KIAA1143: variants seen among roughly 807,000 people sequenced by gnomAD.
KIAA1143 encodes the protein uncharacterized protein KIAA1143.
KIAA1143 carries 8 observed loss-of-function variants against 17.0 expected under a neutral mutation model. The ratio of observed to expected loss-of-function variants is 0.47; its 90% CI spans 0.28 to 0.85. The LOEUF is 0.85. KIAA1143 is among the 40% of genes least tolerant of loss of function. KIAA1143 has a pLI of 0.12. For synonymous variants in KIAA1143, 64 were observed against 67.8 expected, an observed-to-expected ratio of 0.94 and a Z score of 0.27; for missense variants, 162 against 183.3, an observed-to-expected ratio of 0.88 and a Z score of 0.67.
rs367765471 is a variant in KIAA1143, at chr3:44,754,219, C to A, written c.253+5G>T. 38 of 1,612,394 alleles carry A rather than the reference C, an allele frequency of 2.4e-5. No homozygotes were observed. The highest frequency in any genetic ancestry group is 3.2e-5 in the Non-Finnish European group (38 of 1,179,832). On this transcript the variant is annotated splice_donor_5th_base_variant and intron_variant, in intron 2 of 2. Transcript: ENST00000296121. ...TTAGAAAAACCAGATTACTTTTAGA[C>A]CTACCTGCTTTGGCAGCCTTTATTT...
chr3:44,755,949 C>G (rs2125880046), intron 1 of KIAA1143, among the ~76,000 whole-genome samples: 1 of 152,346 alleles, frequency 6.6e-6, no homozygotes, highest in East Asian at 1.9e-4. Context: ...GTTCTCAAGT[C>G]TGCTCTATCA....
intron 1 of KIAA1143, among the ~76,000 whole-genome samples, chr3:44,757,782 A>G (rs1451048441): frequency 6.6e-6 from 1 of 152,218 alleles, no homozygotes; most frequent in Non-Finnish European, 1.5e-5. Flanking sequence ...GTTAAAGAAC[A>G]TGGCATTTTG....
chr3:44,749,994 G>T lies in KIAA1143; in HGVS notation c.*3347C>A, dbSNP rs551470097. On this transcript the variant is annotated 3_prime_UTR_variant, in exon 3 of 3. Coordinates refer to ENST00000296121, the MANE Select transcript of KIAA1143 (RefSeq NM_020696.4). ...GTAGAGATAGGGGTATTGCTTTGTC[G>T]CCCAGGCTGGGCTCAGATTCCTGGC... 1 of 151,996 alleles carries T rather than the reference G, an allele frequency of 6.6e-6. No homozygotes were observed. Among genetic ancestry groups the T allele is most frequent in the Non-Finnish European group, 1.5e-5 (1 of 68,014 alleles). 9.4% of individuals were successfully genotyped at this position (151,996 alleles called of 1,614,324 possible).
At position 44,750,428 on chromosome 3, in the gene KIAA1143, T is replaced by C. The variant is rs1418941087; in HGVS notation, c.*2913A>G. 2 of 150,860 alleles carry C rather than the reference T, an allele frequency of 1.3e-5. No homozygotes were observed. The highest frequency in any genetic ancestry group is 4.9e-5 in the African/African-American group (2 of 40,946). 9.3% of individuals were successfully genotyped at this position (150,860 alleles called of 1,614,324 possible). On this transcript the variant is annotated 3_prime_UTR_variant, in exon 3 of 3. Coordinates refer to ENST00000296121, the MANE Select transcript of KIAA1143 (RefSeq NM_020696.4). ...ATGAGAGTTCTAAAATTCTGATATGTCTTAATATATGTTGTAATGATTATG... is the reference window on the plus strand; with the variant it reads ...ATGAGAGTTCTAAAATTCTGATATGCCTTAATATATGTTGTAATGATTATG...
intron 1 of KIAA1143, among the ~76,000 whole-genome samples, chr3:44,759,478 G>A (rs966337162): frequency 2.6e-5 from 4 of 151,952 alleles, no homozygotes; most frequent in South Asian, 2.1e-4. Context: ...TAATTCTTAC[G>A]GACCCTAGGA....
intron 1 of KIAA1143, among the ~76,000 whole-genome samples, chr3:44,758,091 G>A (rs1332931794): frequency 6.6e-6 from 1 of 152,148 alleles, no homozygotes; most frequent in African/African-American, 2.4e-5. Context: ...ATTAACAGGA[G>A]TCTGGAAGAT....
In KIAA1143 at chr3:44,750,347, G is replaced by C. The variant is rs1704878601; in HGVS notation, c.*2994C>G. ...ATTGTCAAGTGTGAGGTGGTGTTTAGCTTCCTTTGGGTTATACTGATAGAG... is the reference window on the plus strand; with the variant it reads ...ATTGTCAAGTGTGAGGTGGTGTTTACCTTCCTTTGGGTTATACTGATAGAG... On this transcript the variant is annotated 3_prime_UTR_variant, in exon 3 of 3. Transcript: ENST00000296121. The C allele has an allele frequency of 1.3e-5, 2 of 152,112 alleles. No individual in the cohort carries two copies. The highest frequency in any genetic ancestry group is 6.6e-5 in the Admixed American group (1 of 15,250). 9.4% of individuals were successfully genotyped at this position (152,112 alleles called of 1,614,324 possible).
At chr3:44,755,779 T>C (rs1704959714) in intron 1 of KIAA1143, among the ~76,000 whole-genome samples, 1 of 152,252 alleles carries the variant, frequency 6.6e-6, no homozygotes. Flanking sequence ...TCTGCTGGTT[T>C]CCACTGGGCA....
At chr3:44,754,396 A>G (rs1704936384) in intron 1 of KIAA1143, 28 bp from the exon 2 acceptor site, 1 of 1,600,554 alleles carries the variant, frequency 6.2e-7, no homozygotes, top group South Asian at 1.1e-5. Context: ...TACAATGTGT[A>G]GATCACTGAT....
chr3:44,752,699 C>G lies in KIAA1143; in HGVS notation c.*642G>C, dbSNP rs1704907378. 1 of 152,036 alleles carries G rather than the reference C, an allele frequency of 6.6e-6. No homozygotes were observed. Among genetic ancestry groups the G allele is most frequent in the South Asian group, 2.1e-4 (1 of 4,814 alleles). 9.4% of individuals were successfully genotyped at this position (152,036 alleles called of 1,614,324 possible). ...GGTACTCAGGTTTTATCTCTGCACT[C>G]CAAGTAGGATGAAAAGATAAGAGCA... On this transcript the variant is annotated 3_prime_UTR_variant, in exon 3 of 3. Transcript: ENST00000296121.
intron 1 of KIAA1143, among the ~76,000 whole-genome samples, chr3:44,759,923 A>G (rs1395674860): frequency 6.6e-6 from 1 of 150,758 alleles, no homozygotes; most frequent in African/African-American, 2.4e-5. Flanking sequence ...AAAGTCCTAG[A>G]TGGCATCTTC....
In KIAA1143 at chr3:44,749,454, AT is replaced by A. The variant is rs1303286050; in HGVS notation, c.*3886del. The A allele has an allele frequency of 6.6e-6, 1 of 152,222 alleles. No homozygotes were observed. The highest frequency in any genetic ancestry group is 1.5e-5 in the Non-Finnish European group (1 of 68,052). 9.4% of individuals were successfully genotyped at this position (152,222 alleles called of 1,614,324 possible). On this transcript the variant is annotated 3_prime_UTR_variant, in exon 3 of 3. Transcript: ENST00000296121. ...CACCAAATTTGTAAGATACTTTGAA[AT>A]TCATAATTTCAGATGGATGTGGCTG...
chr3:44,751,474 G>A lies in KIAA1143; in HGVS notation c.*1867C>T, dbSNP rs1359707975. 7 of 152,142 alleles carry A rather than the reference G, an allele frequency of 4.6e-5. No individual in the cohort carries two copies. Among genetic ancestry groups the A allele is most frequent in the African/African-American group, 7.2e-5 (3 of 41,408 alleles). The allele number at this position is 152,142 out of a possible 1,614,324, so 9.4% of individuals were successfully genotyped here. ...TTGGCAGTGGTCGCTTTGCAAAATC[G>A]AAGGGGACTAGATCTCCTAACTGCT... On this transcript the variant is annotated 3_prime_UTR_variant, in exon 3 of 3. Transcript: ENST00000296121.
At chr3:44,753,709 A>C (rs1262168543) in intron 2 of KIAA1143, 157 bp from the exon 3 acceptor site, 1 of 248,864 alleles carries the variant, frequency 4.0e-6, no homozygotes, top group Non-Finnish European at 6.4e-6. Flanking sequence ...ATTGCCCTCA[A>C]GGCATGCAGT....
chr3:44,755,106 AT>A (rs1207133356), intron 1 of KIAA1143, among the ~76,000 whole-genome samples: 5 of 152,232 alleles, frequency 3.3e-5, no homozygotes, highest in African/African-American at 1.2e-4. Flanking sequence ...AACTCAAAAA[AT>A]ATCTTTGTAC....
rs573386616 is a variant in KIAA1143 at position 44,751,981 on chromosome 3, C to G, written c.*1360G>C. 1 of 152,090 alleles carries G rather than the reference C, an allele frequency of 6.6e-6. No individual in the cohort carries two copies. The highest frequency in any genetic ancestry group is 2.4e-5 in the African/African-American group (1 of 41,482). The allele number at this position is 152,090 out of a possible 1,614,324, so 9.4% of individuals were successfully genotyped here. On this transcript the variant is annotated 3_prime_UTR_variant, in exon 3 of 3. Transcript: ENST00000296121. ...AAAGATTTACGAGGATCACGTCTCT[C>G]AGGGGGAAAATGAGGCAGGAGAATA...
In KIAA1143 at chr3:44,749,402, A is replaced by G. The variant is rs186696201; in HGVS notation, c.*3939T>C. 4.6e-5 allele frequency: 7 copies of G among 152,344 alleles called. No homozygotes were observed. Among genetic ancestry groups the G allele is most frequent in the Admixed American group, 3.3e-4 (5 of 15,290 alleles). The allele number at this position is 152,344 out of a possible 1,614,324, so 9.4% of individuals were successfully genotyped here. A position where few individuals can be genotyped will look rare whatever the true frequency, so the allele number is the denominator to read the frequency against. On this transcript the variant is annotated 3_prime_UTR_variant, in exon 3 of 3. Transcript: ENST00000296121. ...AGACTCTGTCTCAAAAAAACAAAACAAAACAAACTTAAAAAAGATAATGTG... is the reference window on the plus strand; with the variant it reads ...AGACTCTGTCTCAAAAAAACAAAACGAAACAAACTTAAAAAAGATAATGTG...
At chr3:44,757,147 C>T (rs1704985248) in intron 1 of KIAA1143, among the ~76,000 whole-genome samples, 1 of 152,228 alleles carries the variant, frequency 6.6e-6, no homozygotes, top group South Asian at 2.1e-4. Flanking sequence ...GTCAACTGTG[C>T]ATACAGGGTC....
chr3:44,754,769 A>G (rs1446347558), intron 1 of KIAA1143, among the ~76,000 whole-genome samples: 1 of 152,156 alleles, frequency 6.6e-6, no homozygotes, highest in African/African-American at 2.4e-5. Flanking sequence ...AAAGTACAGA[A>G]AGCAGCAAGT....
Sources: gnomAD v4.1 joint callset for allele counts (sites outside exome capture counted in the v4.1 genomes callset) on GRCh38, gnomAD v4.1.1 for gene constraint, MANE v1.5 for transcripts, NCBI Gene and HGNC (gene_info 2026-07-23, HGNC 2026-07-21) for gene names.